EEF1AKMT4: variants seen among roughly 807,000 people sequenced by gnomAD.
The protein encoded by EEF1AKMT4 is eukaryotic translation elongation factor 1 alpha lysine specific methyltransferase 4.
A neutral mutation model predicts 23.0 loss-of-function variants in EEF1AKMT4; 17 were observed. That is an observed-to-expected ratio of 0.74 (90% CI 0.51 to 1.11). The LOEUF (loss-of-function observed/expected upper bound fraction) is 1.11, where lower values mean the gene tolerates loss of function less well. EEF1AKMT4 is among the 50% of genes least tolerant of loss of function. EEF1AKMT4 has a pLI of 0.00. For synonymous variants in EEF1AKMT4, 140 were observed against 141.4 expected, an observed-to-expected ratio of 0.99 and a Z score of 0.07; for missense variants, 318 against 333.4, an observed-to-expected ratio of 0.95 and a Z score of 0.36.
intron 1 of EEF1AKMT4, among the ~76,000 whole-genome samples, chr3:184,256,753 C>T (rs1047184694): frequency 1.3e-5 from 2 of 151,664 alleles, no homozygotes; most frequent in Non-Finnish European, 2.9e-5. Context: ...TCACCGCAAT[C>T]TCCGCCTCCC....
chr3:184,254,659 G>A (rs1294721707), intron 1 of EEF1AKMT4, among the ~76,000 whole-genome samples: 1 of 150,988 alleles, frequency 6.6e-6, no homozygotes, highest in Non-Finnish European at 1.5e-5. Context: ...CTTGCAATGA[G>A]CGGAGATCAA....
Position 184,258,574 on chromosome 3 carries a change from G to A in EEF1AKMT4, c.767G>A (p.Ter256=). 3.2e-6 allele frequency: 5 copies of A among 1,575,380 alleles called. No homozygotes were observed. The highest frequency in any genetic ancestry group is 4.3e-6 in the Non-Finnish European group (5 of 1,159,422). The change falls in exon 3 of 3, where the codon TGA becomes TAA. Residue 256 remains the stop codon, a stop_retained_variant. Transcript: ENST00000324557. Reference sequence around the variant, plus strand: ...GACTTCCTTAGTGCCATTCAGCTCTGAGGCCAGAGCATGGTCCTCCACCCT... The same window carrying A: ...GACTTCCTTAGTGCCATTCAGCTCTAAGGCCAGAGCATGGTCCTCCACCCT... The part of the protein sequence containing the change: ...HEDFLSAIQL[*]
intron 1 of EEF1AKMT4, 62 bp downstream of exon 1, chr3:184,249,952 G>C (rs1719450159): frequency 1.9e-6 from 3 of 1,540,078 alleles, no homozygotes; most frequent in Non-Finnish European, 1.8e-6. Flanking sequence ...GCATGGGCTT[G>C]GCCTGGTCCG....
chr3:184,251,543 A>C (rs922165573), intron 1 of EEF1AKMT4, among the ~76,000 whole-genome samples: 6 of 152,106 alleles, frequency 3.9e-5, no homozygotes, highest in Non-Finnish European at 8.8e-5. Context: ...AAAAAAAAAA[A>C]AAATTAAAAC....
intron 1 of EEF1AKMT4, among the ~76,000 whole-genome samples, chr3:184,254,002 G>A (rs1485770527): frequency 6.6e-6 from 1 of 152,146 alleles, no homozygotes; most frequent in African/African-American, 2.4e-5. Flanking sequence ...TAACATGAAA[G>A]TAAACTGAAA....
intron 1 of EEF1AKMT4, among the ~76,000 whole-genome samples, 161 bp downstream of exon 1, chr3:184,250,051 A>G (rs956784236): frequency 6.6e-6 from 1 of 152,176 alleles, no homozygotes; most frequent in African/African-American, 2.4e-5. Context: ...GTATTTAGTC[A>G]AGGCTAACAG....
At chr3:184,254,555 A>G (rs1048129905) in intron 1 of EEF1AKMT4, among the ~76,000 whole-genome samples, 3 of 151,470 alleles carry the variant, frequency 2.0e-5, no homozygotes, top group African/African-American at 4.8e-5. Context: ...AAAAAAAAAA[A>G]AAAAGAAATT....
intron 2 of EEF1AKMT4, 50 bp downstream of exon 2, chr3:184,257,806 G>A: frequency 6.4e-7 from 1 of 1,563,380 alleles, no homozygotes; most frequent in Non-Finnish European, 8.7e-7. Flanking sequence ...GGGCTGCGGG[G>A]TTGAGGTTTC....
chr3:184,253,826 C>T (rs1053710612), intron 1 of EEF1AKMT4, among the ~76,000 whole-genome samples: 2 of 152,018 alleles, frequency 1.3e-5, no homozygotes, highest in Admixed American at 6.6e-5. Flanking sequence ...CCCACCACCA[C>T]ACCTGGCTAA....
intron 1 of EEF1AKMT4, among the ~76,000 whole-genome samples, chr3:184,255,078 A>G (rs1304488849): frequency 1.3e-5 from 2 of 152,188 alleles, no homozygotes; most frequent in Non-Finnish European, 2.9e-5. Context: ...TGGTAAAGTT[A>G]TCTTGGAAGA....
intron 1 of EEF1AKMT4, among the ~76,000 whole-genome samples, chr3:184,253,404 T>C (rs1285052663): frequency 2.6e-5 from 4 of 152,220 alleles, no homozygotes; most frequent in African/African-American, 7.2e-5. Flanking sequence ...TCTGGAACTC[T>C]TAAAACTGGT....
At position 184,258,423 on chromosome 3, in the gene EEF1AKMT4, T is replaced by G. The variant is rs767139231; in HGVS notation, c.616T>G (p.Phe206Val). The change falls in exon 3 of 3, where the codon TTC becomes GTC. Residue 206 changes from phenylalanine to valine, a missense_variant. Phe to Val is a conservative substitution (Grantham distance 50). Coordinates refer to ENST00000324557, the MANE Select transcript of EEF1AKMT4 (RefSeq NM_032331.4). The stretch of plus-strand genomic sequence containing the variant: ...TGCTACCTATGGCAGCGGTTTCCAC[T>G]TCCATCTCTACCTCATGCACAAGGG... ...RHATYGSGFH[F>V]HLYLMHKGGK... 6.2e-7 allele frequency: 1 copy of G among 1,613,976 alleles called. No individual in the cohort carries two copies.
Position 184,258,340 on chromosome 3 carries a change from C to T in EEF1AKMT4, c.533C>T (p.Ala178Val). The T allele has an allele frequency of 6.2e-7, 1 of 1,613,340 alleles. No homozygotes were observed. The highest frequency in any genetic ancestry group is 8.5e-7 in the Non-Finnish European group (1 of 1,179,572). The change falls in exon 3 of 3, where the codon GCC (alanine) becomes GTC (valine). Residue 178 changes from alanine to valine, a missense_variant. By Grantham distance (64) the Ala-to-Val change is moderately conservative. Coordinates refer to ENST00000324557, the MANE Select transcript of EEF1AKMT4 (RefSeq NM_032331.4). Reference protein sequence around the residue: ...GGRFISMTSAAPHFRTRHYAQ... With the variant: ...GGRFISMTSAVPHFRTRHYAQ... ...CGGTTTATCTCAATGACTTCTGCTG[C>T]CCCCCACTTTCGGACCAGACACTAT...
intron 1 of EEF1AKMT4, among the ~76,000 whole-genome samples, chr3:184,250,878 G>A (rs1049165580): frequency 5.5e-4 from 83 of 152,180 alleles, no homozygotes; most frequent in African/African-American, 1.8e-3. Context: ...GAGGTCGGGA[G>A]TTCGAGATCA....
rs746944025 is a variant in EEF1AKMT4 at position 184,249,790 on chromosome 3, C to T, written c.96C>T (p.Gly32=). Residue 32 remains glycine (G), a synonymous_variant, in exon 1 of 3, where the codon GGC becomes GGT. Coordinates refer to ENST00000324557, the MANE Select transcript of EEF1AKMT4 (RefSeq NM_032331.4). ...AGTACTGGGATCAGCGCTACCAAGG[C>T]GCAGCCGATTCTGCCCCCTACGATT... is the stretch of plus-strand genomic sequence containing the variant. ...EVEYWDQRYQ[G]AADSAPYDWF... is the part of the protein sequence containing the mutation. 1.2e-6 allele frequency: 2 copies of T among 1,613,284 alleles called. No homozygotes were observed. Among genetic ancestry groups the T allele is most frequent in the Non-Finnish European group, 1.7e-6 (2 of 1,180,000 alleles).
intron 1 of EEF1AKMT4, among the ~76,000 whole-genome samples, chr3:184,250,988 G>A (rs1277039574): frequency 1.3e-5 from 2 of 151,910 alleles, no homozygotes; most frequent in Non-Finnish European, 2.9e-5. Flanking sequence ...GGGAGGCTGA[G>A]GCAGGAAAAT....
At chr3:184,256,921 C>T (rs764548206) in intron 1 of EEF1AKMT4, among the ~76,000 whole-genome samples, 19 of 152,256 alleles carry the variant, frequency 1.2e-4, no homozygotes, top group Middle Eastern at 3.4e-3. Flanking sequence ...CCGCCCTCCT[C>T]GGCCTCCCAA....
At position 184,258,429 on chromosome 3, in the gene EEF1AKMT4, C is replaced by T. The variant is rs777597950; in HGVS notation, c.622C>T (p.Leu208Phe). 1.2e-6 allele frequency: 2 copies of T among 1,613,998 alleles called. No homozygotes were observed. The highest frequency in any genetic ancestry group is 1.7e-6 in the Non-Finnish European group (2 of 1,179,932). ...CTATGGCAGCGGTTTCCACTTCCAT[C>T]TCTACCTCATGCACAAGGGCGGGAA... ...ATYGSGFHFH[L>F]YLMHKGGKLS... Residue 208 changes from leucine (L) to phenylalanine (F), a missense_variant, in exon 3 of 3, where the codon CTC (leucine) becomes TTC (phenylalanine). Coordinates refer to ENST00000324557, the MANE Select transcript of EEF1AKMT4 (RefSeq NM_032331.4).
intron 1 of EEF1AKMT4, among the ~76,000 whole-genome samples, chr3:184,250,120 G>C (rs2108446706): frequency 6.6e-6 from 1 of 152,380 alleles, no homozygotes; most frequent in South Asian, 2.1e-4. Context: ...CAGAGTTTGA[G>C]CGTTGGGGGT....
Sources: gnomAD v4.1 joint callset for allele counts (sites outside exome capture counted in the v4.1 genomes callset) on GRCh38, gnomAD v4.1.1 for gene constraint, MANE v1.5 for transcripts, NCBI Gene and HGNC (gene_info 2026-07-23, HGNC 2026-07-21) for gene names.